The following RALGPS1 variants were observed in gnomAD, a reference collection of about 807,000 sequenced individuals.
The protein encoded by RALGPS1 is ras-specific guanine nucleotide-releasing factor RalGPS1.
In RALGPS1, 19 loss-of-function variants were observed where a neutral mutation model predicts 78.8. The observed-to-expected ratio is 0.24, with a 90% confidence interval of 0.17 to 0.35. RALGPS1 has a LOEUF of 0.35. RALGPS1 is among the 10% of genes least tolerant of loss of function. The pLI is 1.00. For missense variants in RALGPS1, 454 were observed against 688.3 expected (o/e 0.66, Z 3.81); for synonymous variants, 228 against 256.3 (o/e 0.89, Z 1.06).
chr9:127,023,895 G>C (rs2045708415), intron 4 of RALGPS1, among the ~76,000 whole-genome samples: 1 of 152,082 alleles, frequency 6.6e-6, no homozygotes, highest in Non-Finnish European at 1.5e-5. Context: ...AAATTAGCCA[G>C]GCATGGTGGC....
At chr9:127,204,197 C>T (rs1320944045) in intron 14 of RALGPS1, among the ~76,000 whole-genome samples, 4 of 152,048 alleles carry the variant, frequency 2.6e-5, no homozygotes, top group East Asian at 1.9e-4. Context: ...GACAGAGTCT[C>T]ACTCTGTTTT....
At chr9:127,209,734 G>C (rs1346631207) in intron 14 of RALGPS1, among the ~76,000 whole-genome samples, 1 of 152,150 alleles carries the variant, frequency 6.6e-6, no homozygotes, top group Non-Finnish European at 1.5e-5. Context: ...TTCCTGGGAG[G>C]AGGACAAAGG....
intron 5 of RALGPS1, among the ~76,000 whole-genome samples, chr9:127,044,968 A>G (rs1008221664): frequency 6.6e-6 from 1 of 152,196 alleles, no homozygotes; most frequent in African/African-American, 2.4e-5. Context: ...CTACATTTAT[A>G]TTTCCTTTTT....
chr9:127,174,918 C>A, intron 11 of RALGPS1, 136 bp downstream of exon 11: 1 of 721,918 alleles, frequency 1.4e-6, no homozygotes, highest in Admixed American at 2.2e-5. Context: ...GTTCACAGCC[C>A]TCCTGCACCA....
chr9:127,158,240 G>A (rs2058813832), intron 8 of RALGPS1, among the ~76,000 whole-genome samples: 1 of 151,796 alleles, frequency 6.6e-6, no homozygotes, highest in Non-Finnish European at 1.5e-5. Context: ...AATTATATTA[G>A]GTTGGTGCAA....
At chr9:126,999,319 A>G (rs1030816276) in intron 4 of RALGPS1, among the ~76,000 whole-genome samples, 3 of 152,100 alleles carry the variant, frequency 2.0e-5, no homozygotes, top group Non-Finnish European at 4.4e-5. Context: ...AAGACCCTAC[A>G]CTGATACAGC....
chr9:127,040,280 A>C (rs2047181535), intron 5 of RALGPS1, among the ~76,000 whole-genome samples: 1 of 152,204 alleles, frequency 6.6e-6, no homozygotes, highest in Non-Finnish European at 1.5e-5. Context: ...GCACACCTGC[A>C]GTCCAAGCTA....
intron 8 of RALGPS1, among the ~76,000 whole-genome samples, chr9:127,113,177 G>A (rs1223687322): frequency 1.3e-5 from 2 of 152,140 alleles, no homozygotes; most frequent in African/African-American, 4.8e-5. Flanking sequence ...CCGGTGGGTT[G>A]TTATTCACCC....
At chr9:127,208,960 C>T (rs566701267) in intron 14 of RALGPS1, among the ~76,000 whole-genome samples, 20 of 152,262 alleles carry the variant, frequency 1.3e-4, no homozygotes, top group African/African-American at 4.1e-4. Flanking sequence ...CCTCAGGTAG[C>T]GGGGAAAAAG....
chr9:127,162,514 G>A (rs2059078549), intron 8 of RALGPS1, among the ~76,000 whole-genome samples: 1 of 152,210 alleles, frequency 6.6e-6, no homozygotes, highest in Admixed American at 6.5e-5. Context: ...GTGAAAGGCT[G>A]TTTATAGGGA....
intron 14 of RALGPS1, among the ~76,000 whole-genome samples, chr9:127,204,094 C>T (rs142056805): frequency 1.1e-3 from 174 of 152,342 alleles, no homozygotes; most frequent in Non-Finnish European, 2.0e-3. Context: ...CATTCCTCAG[C>T]CCTGTGATGA....
chr9:127,073,262 G>A (rs2050363322), intron 8 of RALGPS1, among the ~76,000 whole-genome samples: 10 of 152,018 alleles, frequency 6.6e-5, no homozygotes, highest in Admixed American at 6.6e-4. Context: ...CCAGCCTCTG[G>A]TATCTATCAT....
At chr9:127,092,453 G>GT (rs147518760) in intron 8 of RALGPS1, among the ~76,000 whole-genome samples, 3,490 of 150,754 alleles carry the variant, frequency 0.023, 133 homozygotes, top group African/African-American at 0.079. Context: ...TGTGGTTATT[G>GT]TTTTTTTTTG....
intron 18 of RALGPS1, chr9:127,216,969 G>T: frequency 6.5e-7 from 1 of 1,545,418 alleles, no homozygotes; most frequent in Non-Finnish European, 8.7e-7. Context: ...CCTGGAGGGC[G>T]GTGCGGGGAA....
intron 8 of RALGPS1, among the ~76,000 whole-genome samples, chr9:127,096,006 G>C (rs1430678212): frequency 2.0e-5 from 3 of 152,162 alleles, no homozygotes; most frequent in Non-Finnish European, 4.4e-5. Context: ...ATCTTCTGGG[G>C]AGGAAGGATC....
At chr9:127,014,041 A>G (rs2044598701) in intron 4 of RALGPS1, among the ~76,000 whole-genome samples, 5 of 152,216 alleles carry the variant, frequency 3.3e-5, no homozygotes, top group Admixed American at 2.6e-4. Context: ...AGCTTTGCAC[A>G]GTGCTGGGCA....
At chr9:127,162,383 A>G (rs2059070913) in intron 8 of RALGPS1, among the ~76,000 whole-genome samples, 1 of 152,248 alleles carries the variant, frequency 6.6e-6, no homozygotes, top group Non-Finnish European at 1.5e-5. Flanking sequence ...CGATTTCATT[A>G]TAGTTTAGGC....
intron 5 of RALGPS1, among the ~76,000 whole-genome samples, chr9:127,043,155 A>G (rs1185007122): frequency 6.6e-6 from 1 of 152,230 alleles, no homozygotes; most frequent in Non-Finnish European, 1.5e-5. Context: ...TGTTTTACAA[A>G]TATCAACACA....
chr9:127,152,311 C>T (rs1384757116), intron 8 of RALGPS1, among the ~76,000 whole-genome samples: 2 of 152,150 alleles, frequency 1.3e-5, no homozygotes, highest in African/African-American at 2.4e-5. Flanking sequence ...TTTCTTTCCC[C>T]GAATGTACCC....
Sources: allele counts gnomAD v4.1 joint callset (sites outside exome capture counted in the v4.1 genomes callset), GRCh38; gene constraint gnomAD v4.1.1; transcripts MANE v1.5; gene names NCBI Gene and HGNC (gene_info 2026-07-23, HGNC 2026-07-21).